Variants in CDK13 observed in about 807,000 individuals in gnomAD.
CDK13 encodes cyclin-dependent kinase 13.
Under a neutral mutation model 137.6 loss-of-function variants are expected in CDK13, and 40 were observed. The observed-to-expected ratio is 0.29, with a 90% confidence interval of 0.23 to 0.38. The LOEUF is 0.38. CDK13 is among the 10% of genes least tolerant of loss of function. The pLI is 1.00. For missense variants in CDK13, 1,704 were observed against 1,951.8 expected, an observed-to-expected ratio of 0.87 and a Z score of 2.39; for synonymous variants, 869 against 760.1, an observed-to-expected ratio of 1.14 and a Z score of -2.36.
intron 5 of CDK13, among the ~76,000 whole-genome samples, chr7:40,029,708 A>G (rs1180007453): frequency 6.6e-6 from 1 of 151,352 alleles, no homozygotes; most frequent in Non-Finnish European, 1.5e-5. Flanking sequence ...GCTGGAGTAC[A>G]GTGCTGTGAT....
intron 1 of CDK13, 91 bp downstream of exon 1, chr7:39,951,943 A>C: frequency 8.3e-7 from 1 of 1,211,008 alleles, no homozygotes; most frequent in Non-Finnish European, 1.0e-6. Flanking sequence ...CCTCAGAACG[A>C]CTCAGGTCCA....
At chr7:39,989,313 GTTTTTA>G (rs1319505584) in intron 2 of CDK13, among the ~76,000 whole-genome samples, 1 of 150,828 alleles carries the variant, frequency 6.6e-6, no homozygotes, top group African/African-American at 2.4e-5. Context: ...CCACCTAGCT[GTTTTTA>G]TTTTTATGAA....
intron 7 of CDK13, among the ~76,000 whole-genome samples, chr7:40,059,466 T>C (rs1244018783): frequency 6.6e-6 from 1 of 152,230 alleles, no homozygotes; most frequent in Non-Finnish European, 1.5e-5. Context: ...TTTAAGCAAT[T>C]CTCTGCCTCA....
At chr7:39,976,392 A>G (rs571783545) in intron 1 of CDK13, among the ~76,000 whole-genome samples, 21 of 151,222 alleles carry the variant, frequency 1.4e-4, no homozygotes, top group African/African-American at 5.1e-4. Context: ...ATAGTGTGGT[A>G]GCAATAAATA....
chr7:39,954,569 T>C (rs570823462), intron 1 of CDK13, among the ~76,000 whole-genome samples: 1 of 152,206 alleles, frequency 6.6e-6, no homozygotes, highest in South Asian at 2.1e-4. Context: ...TGCTGGAGTT[T>C]ACTGAACATA....
In CDK13 at chr7:40,095,382, CAGAA is replaced by C. The variant is rs1201152177; in HGVS notation, c.*405_*408del. 6.5e-6 allele frequency: 1 copy of C among 154,036 alleles called. No individual in the cohort carries two copies. Among genetic ancestry groups the C allele is most frequent in the African/African-American group, 2.4e-5 (1 of 41,440 alleles). 9.5% of individuals were successfully genotyped at this position (154,036 alleles called of 1,614,324 possible). The stretch of plus-strand genomic sequence containing the variant: ...TCCCCACCTCCAGTTTTACAACAAT[CAGAA>C]AGGGCACTGATTTATTTGGTATTTT... On this transcript the variant is annotated 3_prime_UTR_variant, in exon 14 of 14. Transcript: ENST00000181839.
chr7:39,996,983 A>AAAAAAAAAAAAAAAAAAAG (rs1562719391), intron 2 of CDK13, among the ~76,000 whole-genome samples: 21 of 141,476 alleles, frequency 1.5e-4, no homozygotes, highest in African/African-American at 6.3e-4. Flanking sequence ...AAAAGAAAAA[A>AAAAAAAAAAAAAAAAAAAG]AAAAAGAAAA....
At chr7:40,058,706 C>T (rs1053723271) in intron 7 of CDK13, among the ~76,000 whole-genome samples, 1 of 151,892 alleles carries the variant, frequency 6.6e-6, no homozygotes, top group African/African-American at 2.4e-5. Flanking sequence ...GTAGAATTGG[C>T]AGAAGTTGTT....
intron 5 of CDK13, among the ~76,000 whole-genome samples, chr7:40,029,189 G>C (rs1381968931): frequency 6.6e-6 from 1 of 152,048 alleles, no homozygotes; most frequent in Non-Finnish European, 1.5e-5. Context: ...CACTTTGGGA[G>C]GCCGAGGCAA....
Position 39,950,861 on chromosome 7 carries a change from G to C in CDK13, c.220G>C (p.Ala74Pro), listed in dbSNP as rs1179135774. ...CACGGCCGCCGCCGCAGCCGCCGCC[G>C]CCGCGGCCTCCTCCTCTTGCTTCAG... ...PGTAAAAAAA[A>P]AASSSCFSPG... Residue 74 changes from alanine to proline, a missense_variant, in exon 1 of 14, where the codon GCC (alanine) becomes CCC (proline). Physicochemically the swap from Ala to Pro is conservative, Grantham distance 27. Transcript: ENST00000181839. The C allele has an allele frequency of 7.3e-7, 1 of 1,370,144 alleles. No individual in the cohort carries two copies. The highest frequency in any genetic ancestry group is 1.8e-5 in the South Asian group (1 of 56,682). The allele number at this position is 1,370,144 out of a possible 1,614,324, so 84.9% of individuals were successfully genotyped here. A position where few individuals can be genotyped will look rare whatever the true frequency, so the allele number is the denominator to read the frequency against.
chr7:39,985,606 T>C (rs1422544243), intron 1 of CDK13: 1 of 152,196 alleles, frequency 6.6e-6, no homozygotes, highest in Non-Finnish European at 1.5e-5. Flanking sequence ...GTACAAGGGT[T>C]CCCTTTTCTC....
rs1175142849 is a variant in CDK13, at chr7:40,041,989, T to C, written c.2354-3847T>C. 2.6e-5 allele frequency among the ~76,000 whole-genome samples: 4 copies of C among 152,324 alleles called. No homozygotes were observed. The South Asian group carries it at 6.2e-4, about 24-fold the overall frequency. Reference sequence around the variant, plus strand: ...TTTTGTTTAGTAATGAGATTAAATATTTTTCGTGTGTTTTTTGGACATAGG... The same window carrying C: ...TTTTGTTTAGTAATGAGATTAAATACTTTTCGTGTGTTTTTTGGACATAGG... On this transcript the variant is annotated intron_variant, in intron 5 of 13. Transcript: ENST00000181839.
intron 7 of CDK13, among the ~76,000 whole-genome samples, chr7:40,050,678 C>A (rs988968688): frequency 1.3e-5 from 2 of 152,212 alleles, no homozygotes; most frequent in Non-Finnish European, 2.9e-5. Context: ...TAGGCATGAG[C>A]CACCATGCCC....
At chr7:40,064,285 A>C (rs1039757467) in intron 9 of CDK13, among the ~76,000 whole-genome samples, 1 of 109,228 alleles carries the variant, frequency 9.2e-6, no homozygotes, top group African/African-American at 7.8e-5. Flanking sequence ...ATTATGTCTC[A>C]AAAAAAAAAA....
chr7:40,016,203 G>C (rs992084094), intron 5 of CDK13, among the ~76,000 whole-genome samples: 1 of 152,150 alleles, frequency 6.6e-6, no homozygotes, highest in Admixed American at 6.5e-5. Flanking sequence ...ATTAACTGCT[G>C]TTTCTTCATT....
At chr7:39,970,675 G>T (rs1268742106) in intron 1 of CDK13, among the ~76,000 whole-genome samples, 1 of 151,930 alleles carries the variant, frequency 6.6e-6, no homozygotes, top group Non-Finnish European at 1.5e-5. Flanking sequence ...TGGCCAGGCT[G>T]GTCTTGAACT....
At chr7:39,974,143 A>G (rs1784056417) in intron 1 of CDK13, among the ~76,000 whole-genome samples, 1 of 152,232 alleles carries the variant, frequency 6.6e-6, no homozygotes, top group African/African-American at 2.4e-5. Flanking sequence ...GATAGGGAGT[A>G]CATTGATTTT....
chr7:40,003,002 G>T (rs1784717013), intron 5 of CDK13, among the ~76,000 whole-genome samples: 1 of 151,664 alleles, frequency 6.6e-6, no homozygotes, highest in Admixed American at 6.6e-5. Context: ...TCTCTTGAGT[G>T]CAGGAGATAG....
At chr7:40,086,049 C>T (rs1442444168) in intron 11 of CDK13, among the ~76,000 whole-genome samples, 1 of 152,048 alleles carries the variant, frequency 6.6e-6, no homozygotes, top group Non-Finnish European at 1.5e-5. Context: ...TATATGTACT[C>T]ATAAAAGGTT....
Sources: gnomAD v4.1 joint callset for allele counts (sites outside exome capture counted in the v4.1 genomes callset) on GRCh38, gnomAD v4.1.1 for gene constraint, MANE v1.5 for transcripts, NCBI Gene and HGNC (gene_info 2026-07-23, HGNC 2026-07-21) for gene names.